The following TEAD2 variants were observed in gnomAD, a reference collection of about 807,000 sequenced individuals.
TEAD2 encodes the protein transcriptional enhancer factor TEF-4.
A neutral mutation model predicts 61.4 loss-of-function variants in TEAD2; 51 were observed. The observed-to-expected ratio is 0.83, with a 90% CI of 0.66 to 1.05. TEAD2 has a LOEUF of 1.05. Among genes scored for constraint, TEAD2 ranks in the 50% least tolerant of loss-of-function variants. The pLI is 0.00. For missense variants in TEAD2, 509 were observed against 600.0 expected (o/e 0.85, Z 1.58); for synonymous variants, 244 against 243.2 (o/e 1.00, Z -0.03).
In TEAD2 at chr19:49,341,130, T is replaced by C; in HGVS notation, c.*194A>G. ...ATATCGGGGTTTATCCTTTCCTCAG[T>C]CCCAGCCTGTTCAGCTCTCCAACCA... On this transcript the variant is annotated 3_prime_UTR_variant, in exon 13 of 13. Coordinates refer to ENST00000593945, the MANE Select transcript of TEAD2 (RefSeq NM_001256660.2). This position sits in a 1 kb window ranked among gnomAD's most constrained non-coding sequence, Gnocchi z 4.2. 1.7e-6 allele frequency: 1 copy of C among 581,414 alleles called. No homozygotes were observed. Among genetic ancestry groups the C allele is most frequent in the Non-Finnish European group, 3.1e-6 (1 of 325,634 alleles). The allele number at this position is 581,414 out of a possible 1,614,324, so 36.0% of individuals were successfully genotyped here.
chr19:49,346,465 T>C lies in TEAD2; in HGVS notation c.921+725A>G, dbSNP rs928086010. ...TGAGGCCAGGAGTTCAAGACCAGCC[T>C]GGCCAACATGGTGAAACCCCGTCTG... is the stretch of plus-strand genomic sequence containing the variant. On this transcript the variant is annotated intron_variant, in intron 10 of 12. Coordinates refer to ENST00000593945, the MANE Select transcript of TEAD2 (RefSeq NM_001256660.2). 1.9e-4 allele frequency among the ~76,000 whole-genome samples: 29 copies of C among 152,246 alleles called. No homozygotes were observed. In the East Asian group the frequency reaches 5.4e-3, roughly 28 times the overall value.
intron 7 of TEAD2, among the ~76,000 whole-genome samples, chr19:49,354,510 G>GA (rs60213376): frequency 0.018 from 2,190 of 119,902 alleles, 40 homozygotes; most frequent in African/African-American, 0.059. Context: ...TATAAAAAAA[G>GA]AAAAAAAAAA....
At chr19:49,342,656 G>A in intron 11 of TEAD2, 66 bp from the exon 12 acceptor site, 1 of 1,580,346 alleles carries the variant, frequency 6.3e-7, no homozygotes, top group Non-Finnish European at 8.7e-7. Flanking sequence ...CCCAGGAATT[G>A]AGCTCCACCC....
At chr19:49,350,444 C>T (rs939782674) in intron 8 of TEAD2, among the ~76,000 whole-genome samples, 1 of 152,002 alleles carries the variant, frequency 6.6e-6, no homozygotes, top group East Asian at 1.9e-4. Flanking sequence ...CTCAGCCTCC[C>T]GAGTAGCTGG....
intron 4 of TEAD2, 62 bp from the exon 5 acceptor site, chr19:49,356,032 G>GCC: frequency 8.2e-7 from 1 of 1,216,256 alleles, no homozygotes; most frequent in Non-Finnish European, 1.0e-6. Flanking sequence ...AGGAAGTACG[G>GCC]CCCGGACTCC....
Position 49,340,609 on chromosome 19 carries a change from G to C in TEAD2, c.*715C>G, listed in dbSNP as rs2146239166. 1.8e-6 allele frequency: 1 copy of C among 569,646 alleles called. No homozygotes were observed. Among genetic ancestry groups the C allele is most frequent in the Non-Finnish European group, 3.1e-6 (1 of 317,532 alleles). The allele number at this position is 569,646 out of a possible 1,614,324, so 35.3% of individuals were successfully genotyped here. On this transcript the variant is annotated 3_prime_UTR_variant, in exon 13 of 13. Coordinates refer to ENST00000593945, the MANE Select transcript of TEAD2 (RefSeq NM_001256660.2). Reference sequence around the variant, plus strand: ...AATCCCCTGCGTTTTTGGTAAAATAGCTTTATCCTCTGTCAGAACACAAAC... The same window carrying C: ...AATCCCCTGCGTTTTTGGTAAAATACCTTTATCCTCTGTCAGAACACAAAC...
intron 8 of TEAD2, among the ~76,000 whole-genome samples, chr19:49,350,383 C>T (rs1249984690): frequency 6.6e-6 from 1 of 152,006 alleles, no homozygotes; most frequent in East Asian, 1.9e-4. Context: ...GCAACGGTGC[C>T]ACCTCGGCTC....
intron 3 of TEAD2, among the ~76,000 whole-genome samples, chr19:49,358,069 C>T (rs1371049554): frequency 6.6e-6 from 1 of 151,746 alleles, no homozygotes; most frequent in Non-Finnish European, 1.5e-5. Context: ...CCTACTTCTA[C>T]TAAACATACA....
rs182165893 is a variant in TEAD2 at position 49,360,164 on chromosome 19, C to T, written c.-6-83G>A. 13 of 1,144,000 alleles carry T rather than the reference C, an allele frequency of 1.1e-5. No individual in the cohort carries two copies. The Admixed American group carries it at 2.1e-4, about 18-fold the overall frequency. 70.9% of individuals were successfully genotyped at this position (1,144,000 alleles called of 1,614,324 possible). On this transcript the variant is annotated intron_variant, in intron 1 of 12. Transcript: ENST00000593945. ...AGCTGAGAGGGCTGGGACTCTGGAC[C>T]ACTGGGTCTGAGGGAGGAGGGGCTG...
chr19:49,348,398 G>A (rs1038067229), intron 9 of TEAD2, among the ~76,000 whole-genome samples: 4 of 152,160 alleles, frequency 2.6e-5, no homozygotes, highest in African/African-American at 9.7e-5. Context: ...AATGAATGAT[G>A]TCCTGGGGAG....
At chr19:49,360,242 T>C in intron 1 of TEAD2, 161 bp from the exon 2 acceptor site, 1 of 619,912 alleles carries the variant, frequency 1.6e-6, no homozygotes, top group South Asian at 2.0e-5. Flanking sequence ...TATTCCTGGG[T>C]CTGAGGGAGG....
chr19:49,346,895 G>A (rs1971678750), intron 10 of TEAD2, among the ~76,000 whole-genome samples: 1 of 152,180 alleles, frequency 6.6e-6, no homozygotes, highest in African/African-American at 2.4e-5. Context: ...CTGGAACATG[G>A]CAAGCCCATG....
intron 10 of TEAD2, among the ~76,000 whole-genome samples, chr19:49,343,637 C>T (rs571522124): frequency 1.3e-5 from 2 of 151,978 alleles, no homozygotes; most frequent in South Asian, 2.1e-4. Context: ...TACTGGGACA[C>T]TGACGCAGGA....
intron 1 of TEAD2, among the ~76,000 whole-genome samples, 191 bp downstream of exon 1, chr19:49,362,142 G>A (rs1972996008): frequency 1.3e-5 from 2 of 152,052 alleles, no homozygotes; most frequent in Admixed American, 6.5e-5. Context: ...CCGCTCCTGC[G>A]CGCACGCCCA....
chr19:49,353,957 GTT>G (rs77121881), intron 7 of TEAD2, among the ~76,000 whole-genome samples: 23 of 141,690 alleles, frequency 1.6e-4, no homozygotes, highest in Admixed American at 5.6e-4. Flanking sequence ...ATTGTTTTTT[GTT>G]TTTTTTTTTT....
In TEAD2 at chr19:49,341,137, C is replaced by T; in HGVS notation, c.*187G>A. Reference sequence around the variant, plus strand: ...GGTTTATCCTTTCCTCAGTCCCAGCCTGTTCAGCTCTCCAACCAAGTTTTG... The same window carrying T: ...GGTTTATCCTTTCCTCAGTCCCAGCTTGTTCAGCTCTCCAACCAAGTTTTG... On this transcript the variant is annotated 3_prime_UTR_variant, in exon 13 of 13. Coordinates refer to ENST00000593945, the MANE Select transcript of TEAD2 (RefSeq NM_001256660.2). The surrounding 1 kb of genome is among the most constrained non-coding windows in gnomAD (Gnocchi z 4.2). 1 of 589,756 alleles carries T rather than the reference C, an allele frequency of 1.7e-6. No homozygotes were observed. Among genetic ancestry groups the T allele is most frequent in the Non-Finnish European group, 3.0e-6 (1 of 330,990 alleles). 36.5% of individuals were successfully genotyped at this position (589,756 alleles called of 1,614,324 possible).
At chr19:49,351,157 G>A (rs546786763) in intron 8 of TEAD2, 144 bp downstream of exon 8, 37 of 760,854 alleles carry the variant, frequency 4.9e-5, no homozygotes, top group African/African-American at 1.5e-4. Flanking sequence ...CCAGCCTGGC[G>A]ACAGAGGGAG....
chr19:49,355,929 G>C, intron 5 of TEAD2, 30 bp downstream of exon 5: 3 of 1,265,026 alleles, frequency 2.4e-6, no homozygotes, highest in Non-Finnish European at 3.0e-6. Context: ...TGGAGTGAGC[G>C]TGGGTGGGAG....
Position 49,342,420 on chromosome 19 carries a change from C to A in TEAD2, c.1242+18G>T. ...TCCACACTGGGGGGCCCCACTCCAG[C>A]CCAGCCCCAGGCATCACCTGGAGGA... On this transcript the variant is annotated intron_variant, in intron 12 of 12. Transcript: ENST00000593945. 1 of 1,610,794 alleles carries A rather than the reference C, an allele frequency of 6.2e-7. No individual in the cohort carries two copies. The highest frequency in any genetic ancestry group is 8.5e-7 in the Non-Finnish European group (1 of 1,177,246).
Sources: gnomAD v4.1 joint callset for allele counts (sites outside exome capture counted in the v4.1 genomes callset) on GRCh38, gnomAD v4.1.1 for gene constraint, Gnocchi (gnomAD v3.1) non-coding constraint, MANE v1.5 for transcripts, NCBI Gene and HGNC (gene_info 2026-07-23, HGNC 2026-07-21) for gene names.